KCNQ1: variants seen among roughly 807,000 people sequenced by gnomAD.
KCNQ1 encodes the protein potassium voltage-gated channel subfamily KQT member 1.
Under a neutral mutation model 72.4 loss-of-function variants are expected in KCNQ1, and 49 were observed. The ratio of observed to expected loss-of-function variants is 0.68; its 90% CI spans 0.54 to 0.86. The LOEUF (loss-of-function observed/expected upper bound fraction) is 0.86, where lower values mean the gene tolerates loss of function less well. Among genes scored for constraint, KCNQ1 ranks in the 40% least tolerant of loss-of-function variants. KCNQ1 has a pLI of 0.00. For missense variants in KCNQ1, 790 were observed against 945.1 expected, an observed-to-expected ratio of 0.84 and a Z score of 2.15; for synonymous variants, 450 against 412.6, an observed-to-expected ratio of 1.09 and a Z score of -1.10.
intron 10 of KCNQ1, chr11:2,622,162 T>C (rs1849183939): frequency 2.5e-6 from 1 of 398,258 alleles, no homozygotes. Flanking sequence ...TTGAAGTCCC[T>C]AAGTATTATT....
At position 2,623,396 on chromosome 11, in the gene KCNQ1, C is replaced by T; in HGVS notation, c.1393+34542C>T. On this transcript the variant is annotated intron_variant, in intron 10 of 15. Transcript: ENST00000155840. The surrounding 1 kb of genome is among the most constrained non-coding windows in gnomAD (Gnocchi z 5.2). ...CATATATTTGTACATTTTCACTGCC[C>T]TAAAAGTACTCTGTGCACTGCCTAT... is the stretch of plus-strand genomic sequence containing the variant. The T allele has an allele frequency of 5.0e-6, 2 of 398,564 alleles. No homozygotes were observed. Among genetic ancestry groups the T allele is most frequent in the Non-Finnish European group, 8.8e-6 (2 of 226,070 alleles). The allele number at this position is 398,564 out of a possible 1,614,324, so 24.7% of individuals were successfully genotyped here.
At chr11:2,692,847 A>G (rs533370584) in intron 11 of KCNQ1, 5 of 398,614 alleles carry the variant, frequency 1.3e-5, no homozygotes, top group Non-Finnish European at 8.8e-6. Context: ...CCTGTTAGAC[A>G]TAATTCACTG....
At position 2,658,038 on chromosome 11, in the gene KCNQ1, G is replaced by T; in HGVS notation, c.1394-3923G>T. On this transcript the variant is annotated intron_variant, in intron 10 of 15. Transcript: ENST00000155840. This position sits in a 1 kb window ranked among gnomAD's most constrained non-coding sequence, Gnocchi z 4.9. ...TTTCCATAGCTTAGTCTTTAGAAGCGAGTCACTAAGTATAGCCCACACTCA... is the reference window on the plus strand; with the variant it reads ...TTTCCATAGCTTAGTCTTTAGAAGCTAGTCACTAAGTATAGCCCACACTCA... 1 of 398,470 alleles carries T rather than the reference G, an allele frequency of 2.5e-6. No individual in the cohort carries two copies. Among genetic ancestry groups the T allele is most frequent in the Non-Finnish European group, 4.4e-6 (1 of 226,022 alleles). 24.7% of individuals were successfully genotyped at this position (398,470 alleles called of 1,614,324 possible).
At chr11:2,706,927 G>T (rs977836665) in intron 11 of KCNQ1, among the ~76,000 whole-genome samples, 1 of 152,202 alleles carries the variant, frequency 6.6e-6, no homozygotes, top group African/African-American at 2.4e-5. Flanking sequence ...TGGGTGGAGA[G>T]GGTGCGTGAT....
rs1244198399 is a variant in KCNQ1, at chr11:2,678,965, A to G, written c.1514+16884A>G. The G allele has an allele frequency of 2.5e-6, 1 of 398,548 alleles. No homozygotes were observed. The highest frequency in any genetic ancestry group is 2.1e-5 in the African/African-American group (1 of 48,626). 24.7% of individuals were successfully genotyped at this position (398,548 alleles called of 1,614,324 possible). A position where few individuals can be genotyped will look rare whatever the true frequency, so the allele number is the denominator to read the frequency against. ...TTGCTAACTCAATAGAGAACAAAAGAGCAAATAGGCCTAATTCAAGAATTT... is the reference window on the plus strand; with the variant it reads ...TTGCTAACTCAATAGAGAACAAAAGGGCAAATAGGCCTAATTCAAGAATTT... On this transcript the variant is annotated intron_variant, in intron 11 of 15. Coordinates refer to ENST00000155840, the MANE Select transcript of KCNQ1 (RefSeq NM_000218.3). This position sits in a 1 kb window ranked among gnomAD's most constrained non-coding sequence, Gnocchi z 4.9.
intron 1 of KCNQ1, among the ~76,000 whole-genome samples, chr11:2,469,570 C>T (rs1286001573): frequency 2.6e-5 from 4 of 152,052 alleles, no homozygotes; most frequent in Non-Finnish European, 4.4e-5. Context: ...GGCTCCCGGC[C>T]GAGATGTTAC....
chr11:2,454,524 A>G lies in KCNQ1; in HGVS notation c.386+9040A>G, dbSNP rs533344447. The stretch of plus-strand genomic sequence containing the variant: ...ACAAATAGAGCTGCATGCAGTGGCC[A>G]CATAATTGTTGTGATACTATTTGTT... On this transcript the variant is annotated intron_variant, in intron 1 of 15. Transcript: ENST00000155840. Among the ~76,000 whole-genome samples the G allele has an allele frequency of 3.9e-5, 6 of 152,334 alleles. No homozygotes were observed. In the East Asian group the frequency reaches 1.2e-3, roughly 29 times the overall value.
rs1201770663 is a variant in KCNQ1, at chr11:2,677,748, A to G, written c.1514+15667A>G. ...TTGTAAAATTTTGGTCTCCGTTTTCAGTGGATTTACTTTAAGAGATCCTCC... is the reference window on the plus strand; with the variant it reads ...TTGTAAAATTTTGGTCTCCGTTTTCGGTGGATTTACTTTAAGAGATCCTCC... On this transcript the variant is annotated intron_variant, in intron 11 of 15. Coordinates refer to ENST00000155840, the MANE Select transcript of KCNQ1 (RefSeq NM_000218.3). The surrounding 1 kb of genome is among the most constrained non-coding windows in gnomAD (Gnocchi z 4.5). 5.0e-6 allele frequency: 2 copies of G among 398,424 alleles called. No homozygotes were observed. The highest frequency in any genetic ancestry group is 6.2e-4 in the Middle Eastern group (1 of 1,608). 24.7% of individuals were successfully genotyped at this position (398,424 alleles called of 1,614,324 possible). A position where few individuals can be genotyped will look rare whatever the true frequency, so the allele number is the denominator to read the frequency against.
chr11:2,599,114 G>C lies in KCNQ1; in HGVS notation c.1393+10260G>C, dbSNP rs1369943890. 6.6e-6 allele frequency among the ~76,000 whole-genome samples: 1 copy of C among 152,108 alleles called. No homozygotes were observed. Among genetic ancestry groups the C allele is most frequent in the Admixed American group, 6.5e-5 (1 of 15,272 alleles). On this transcript the variant is annotated intron_variant, in intron 10 of 15. Transcript: ENST00000155840. The surrounding 1 kb of genome is among the most constrained non-coding windows in gnomAD (Gnocchi z 4.7). ...CAGAACTTTTTTCTTATGTTTGCTT[G>C]GGCTCCCCTCCTCTCTGTTACCTAT...
chr11:2,463,350 C>T lies in KCNQ1; in HGVS notation c.386+17866C>T, dbSNP rs985416208. On this transcript the variant is annotated intron_variant, in intron 1 of 15. Transcript: ENST00000155840. The surrounding 1 kb of genome is among the most constrained non-coding windows in gnomAD (Gnocchi z 7.0). ...GTTTTCTGCTGAGGATACATTTGCCCCCTCTATCCCCCAGATCGGCGGCTG... is the reference window on the plus strand; with the variant it reads ...GTTTTCTGCTGAGGATACATTTGCCTCCTCTATCCCCCAGATCGGCGGCTG... Among the ~76,000 whole-genome samples, 2 of 152,172 alleles carry T rather than the reference C, an allele frequency of 1.3e-5. No individual in the cohort carries two copies. Among genetic ancestry groups the T allele is most frequent in the Non-Finnish European group, 2.9e-5 (2 of 68,008 alleles).
chr11:2,688,986 C>G (rs978243575), intron 11 of KCNQ1: 2 of 398,628 alleles, frequency 5.0e-6, no homozygotes, highest in African/African-American at 4.1e-5. Context: ...ATCTGGAGAG[C>G]AGGGGAGCCT....
At position 2,468,920 on chromosome 11, in the gene KCNQ1, G is replaced by A. The variant is rs566897422; in HGVS notation, c.386+23436G>A. ...TGCAAGCAAGTGGTTGAACTGCTCT[G>A]CAGCCCGCTGGGAAGTGGAACGGCT... On this transcript the variant is annotated intron_variant, in intron 1 of 15. Coordinates refer to ENST00000155840, the MANE Select transcript of KCNQ1 (RefSeq NM_000218.3). This position sits in a 1 kb window ranked among gnomAD's most constrained non-coding sequence, Gnocchi z 5.7. Among the ~76,000 whole-genome samples the A allele has an allele frequency of 2.0e-5, 3 of 152,346 alleles. No homozygotes were observed. The highest frequency in any genetic ancestry group is 2.1e-4 in the South Asian group (1 of 4,830).
chr11:2,656,557 C>T (rs895370561), intron 10 of KCNQ1: 1 of 398,692 alleles, frequency 2.5e-6, no homozygotes, highest in Non-Finnish European at 4.4e-6. Context: ...TTTCCACATG[C>T]TCATCAGCCT....
chr11:2,724,390 G>A lies in KCNQ1; in HGVS notation c.1515-44454G>A, dbSNP rs1230859699. Among the ~76,000 whole-genome samples the A allele has an allele frequency of 6.6e-6, 1 of 152,176 alleles. No homozygotes were observed. The stretch of plus-strand genomic sequence containing the variant: ...TCTGCACAGTGGAATGGAGCTGGCA[G>A]CCAGGGTCCCTGTCCCGCCAGCCCT... On this transcript the variant is annotated intron_variant, in intron 11 of 15. Transcript: ENST00000155840. The surrounding 1 kb of genome is among the most constrained non-coding windows in gnomAD (Gnocchi z 6.8).
rs1183534629 is a variant in KCNQ1, at chr11:2,550,845, T to G, written c.478-19783T>G. On this transcript the variant is annotated intron_variant, in intron 2 of 15. Coordinates refer to ENST00000155840, the MANE Select transcript of KCNQ1 (RefSeq NM_000218.3). This position sits in a 1 kb window ranked among gnomAD's most constrained non-coding sequence, Gnocchi z 6.0. The stretch of plus-strand genomic sequence containing the variant: ...GCACCTGGCTCCCCGGGGGCCCAGA[T>G]GGCAGGCGAGGGGTGCCTGGGGAGG... Among the ~76,000 whole-genome samples, 2 of 151,566 alleles carry G rather than the reference T, an allele frequency of 1.3e-5. No homozygotes were observed. The highest frequency in any genetic ancestry group is 4.9e-5 in the African/African-American group (2 of 41,234).
Position 2,657,529 on chromosome 11 carries a change from G to A in KCNQ1, c.1394-4432G>A. ...AGAAGAGAAACAAAAATAGTACCGA[G>A]TACCCACATCCCTTTCACCAGCTTC... On this transcript the variant is annotated intron_variant, in intron 10 of 15. Transcript: ENST00000155840. This position sits in a 1 kb window ranked among gnomAD's most constrained non-coding sequence, Gnocchi z 4.8. The A allele has an allele frequency of 2.5e-6, 1 of 398,496 alleles. No homozygotes were observed. The highest frequency in any genetic ancestry group is 3.6e-5 in the East Asian group (1 of 28,064). The allele number at this position is 398,496 out of a possible 1,614,324, so 24.7% of individuals were successfully genotyped here.
chr11:2,683,960 C>G lies in KCNQ1; in HGVS notation c.1514+21879C>G. On this transcript the variant is annotated intron_variant, in intron 11 of 15. Coordinates refer to ENST00000155840, the MANE Select transcript of KCNQ1 (RefSeq NM_000218.3). The surrounding 1 kb of genome is among the most constrained non-coding windows in gnomAD (Gnocchi z 4.7). ...AGACAAAACCAGCTGACTGCTTTTA[C>G]TTTTTTTTTTTTTTCATTTAGAAGA... 1 of 386,908 alleles carries G rather than the reference C, an allele frequency of 2.6e-6. No homozygotes were observed. The highest frequency in any genetic ancestry group is 4.5e-6 in the Non-Finnish European group (1 of 221,128). 24.0% of individuals were successfully genotyped at this position (386,908 alleles called of 1,614,324 possible).
chr11:2,774,656 G>A (rs1057310439), intron 12 of KCNQ1, among the ~76,000 whole-genome samples: 1 of 152,130 alleles, frequency 6.6e-6, no homozygotes, highest in African/African-American at 2.4e-5. Flanking sequence ...AGAACCCCTG[G>A]GCATGTCAGA....
At chr11:2,460,357 AG>A (rs746352816) in intron 1 of KCNQ1, among the ~76,000 whole-genome samples, 4 of 152,144 alleles carry the variant, frequency 2.6e-5, no homozygotes, top group Non-Finnish European at 4.4e-5. Context: ...TGGCTGGTGG[AG>A]GGCAGCAATG....
Sources: allele counts gnomAD v4.1 joint callset (sites outside exome capture counted in the v4.1 genomes callset), GRCh38; gene constraint gnomAD v4.1.1; non-coding constraint Gnocchi (gnomAD v3.1); transcripts MANE v1.5; gene names NCBI Gene and HGNC (gene_info 2026-07-23, HGNC 2026-07-21).